Variants in ATRNL1 observed in about 807,000 individuals in gnomAD.
The protein encoded by ATRNL1 is attractin like 1.
In ATRNL1, 95 loss-of-function variants were observed where a neutral mutation model predicts 182.7. That is an observed-to-expected ratio of 0.52 (90% confidence interval 0.44 to 0.62). The LOEUF is 0.62. Among genes scored for constraint, ATRNL1 ranks in the 20% least tolerant of loss-of-function variants. The pLI is 0.00. For synonymous variants in ATRNL1, 576 were observed against 568.3 expected, an observed-to-expected ratio of 1.01 and a Z score of -0.19; for missense variants, 1,471 against 1,679.5, an observed-to-expected ratio of 0.88 and a Z score of 2.17.
chr10:115,186,168 A>G (rs1205615213), intron 8 of ATRNL1, among the ~76,000 whole-genome samples: 1 of 152,114 alleles, frequency 6.6e-6, no homozygotes, highest in Non-Finnish European at 1.5e-5. Context: ...TGGGCAAAGG[A>G]TCTAAGTAGA....
chr10:115,782,620 C>A (rs1370946887), intron 27 of ATRNL1, among the ~76,000 whole-genome samples: 6 of 152,118 alleles, frequency 3.9e-5, no homozygotes, highest in Non-Finnish European at 8.8e-5. Flanking sequence ...GAGAAAAGGG[C>A]TGAGAAGTTG....
Position 115,176,419 on chromosome 10 carries a change from A to G in ATRNL1, c.1348+5127A>G, listed in dbSNP as rs541141750. On this transcript the variant is annotated intron_variant, in intron 8 of 28. Transcript: ENST00000355044. ...TGAATTGTTTTGGCTGCATGTTGTA[A>G]ATAAACTTTATGGAAGAAAGAACAG... Among the ~76,000 whole-genome samples the G allele has an allele frequency of 2.8e-4, 43 of 152,214 alleles. 1 individual carries two copies. The South Asian group carries it at 8.5e-3, about 30-fold the overall frequency.
At chr10:115,485,981 T>G (rs919902741) in intron 24 of ATRNL1, among the ~76,000 whole-genome samples, 2 of 148,826 alleles carry the variant, frequency 1.3e-5, no homozygotes, top group African/African-American at 5.0e-5. Context: ...CACTTATGAG[T>G]GAGAACATGC....
intron 28 of ATRNL1, among the ~76,000 whole-genome samples, chr10:115,887,705 C>A (rs1951981371): frequency 6.6e-6 from 1 of 151,160 alleles, no homozygotes; most frequent in Non-Finnish European, 1.5e-5. Context: ...TCCAGTTTTC[C>A]TCTTCTCAGT....
At chr10:115,697,206 T>C (rs1403410789) in intron 26 of ATRNL1, among the ~76,000 whole-genome samples, 1 of 152,208 alleles carries the variant, frequency 6.6e-6, no homozygotes, top group Non-Finnish European at 1.5e-5. Flanking sequence ...CATGTATGTC[T>C]TTTGAAAAGT....
At chr10:115,826,735 C>T (rs1034566010) in intron 27 of ATRNL1, among the ~76,000 whole-genome samples, 2 of 152,002 alleles carry the variant, frequency 1.3e-5, no homozygotes, top group East Asian at 1.9e-4. Context: ...AAGCTGAGTC[C>T]GGGGTTTTTT....
chr10:115,156,215 C>T (rs1846512035), intron 5 of ATRNL1, among the ~76,000 whole-genome samples: 1 of 152,016 alleles, frequency 6.6e-6, no homozygotes, highest in Non-Finnish European at 1.5e-5. Flanking sequence ...GACTGTAATC[C>T]CTGCATACCT....
At chr10:115,483,514 C>T (rs1565090942) in intron 24 of ATRNL1, among the ~76,000 whole-genome samples, 1 of 151,264 alleles carries the variant, frequency 6.6e-6, no homozygotes, top group Non-Finnish European at 1.5e-5. Flanking sequence ...TGGCTTATTG[C>T]CAAATATATT....
At chr10:115,665,171 T>C (rs1555039320) in intron 26 of ATRNL1, among the ~76,000 whole-genome samples, 5 of 152,084 alleles carry the variant, frequency 3.3e-5, no homozygotes, top group Non-Finnish European at 7.4e-5. Context: ...ATCAAGAAGG[T>C]AAAGACTACT....
chr10:115,740,046 G>A (rs1036768589), intron 27 of ATRNL1, among the ~76,000 whole-genome samples: 5 of 152,076 alleles, frequency 3.3e-5, no homozygotes, highest in Non-Finnish European at 5.9e-5. Flanking sequence ...TGAAATACCA[G>A]ATATTCAAAA....
chr10:115,417,259 G>A (rs781838779), intron 20 of ATRNL1, among the ~76,000 whole-genome samples: 1 of 152,162 alleles, frequency 6.6e-6, no homozygotes, highest in African/African-American at 2.4e-5. Flanking sequence ...TTTGCCCACT[G>A]ATATCAGTCT....
intron 10 of ATRNL1, among the ~76,000 whole-genome samples, chr10:115,250,651 T>C (rs1416112340): frequency 6.6e-6 from 1 of 152,208 alleles, no homozygotes; most frequent in East Asian, 1.9e-4. Context: ...TGCTTTCTTC[T>C]TTGTAATGGG....
intron 10 of ATRNL1, among the ~76,000 whole-genome samples, chr10:115,259,121 C>T (rs1162594745): frequency 1.3e-5 from 2 of 152,338 alleles, no homozygotes; most frequent in South Asian, 2.1e-4. Flanking sequence ...AGAGCTCAAA[C>T]GCCATGCTGG....
intron 20 of ATRNL1, among the ~76,000 whole-genome samples, chr10:115,405,280 T>C (rs1018722135): frequency 6.6e-6 from 1 of 152,192 alleles, no homozygotes; most frequent in Non-Finnish European, 1.5e-5. Flanking sequence ...ATCTGGTATA[T>C]GTGTAGGTGT....
intron 10 of ATRNL1, among the ~76,000 whole-genome samples, chr10:115,247,961 C>G (rs1850715986): frequency 6.6e-6 from 1 of 151,910 alleles, no homozygotes; most frequent in Non-Finnish European, 1.5e-5. Context: ...TATGTGGAAG[C>G]TAAAAAAAGT....
rs1554884169 is a variant in ATRNL1, at chr10:115,165,577, A to G, written c.1024A>G (p.Ile342Val). 3.9e-6 allele frequency: 6 copies of G among 1,529,772 alleles called. No individual in the cohort carries two copies. The highest frequency in any genetic ancestry group is 1.7e-4 in the Middle Eastern group (1 of 5,752). 94.8% of individuals were successfully genotyped at this position (1,529,772 alleles called of 1,614,324 possible). The change falls in exon 7 of 29, where the codon ATA becomes GTA. Residue 342 changes from isoleucine (I) to valine (V), a missense_variant. By Grantham distance (29) the Ile-to-Val change is conservative. Coordinates refer to ENST00000355044, the MANE Select transcript of ATRNL1 (RefSeq NM_207303.4). The stretch of plus-strand genomic sequence containing the variant: ...TTTTAGTTACAATTTAGAAAGCAGT[A>G]TATGGAATGTAGGAACTCCATCAAG... ...MVLNYNLESSIWNVGTPSRGP... is the reference protein window; with the variant it reads ...MVLNYNLESSVWNVGTPSRGP...
At chr10:115,917,104 C>T (rs1952881337) in intron 28 of ATRNL1, among the ~76,000 whole-genome samples, 1 of 152,184 alleles carries the variant, frequency 6.6e-6, no homozygotes, top group South Asian at 2.1e-4. Flanking sequence ...TTTGAGATGG[C>T]GTCTAACTCT....
At chr10:115,326,720 T>A (rs1854906946) in intron 18 of ATRNL1, among the ~76,000 whole-genome samples, 1 of 151,968 alleles carries the variant, frequency 6.6e-6, no homozygotes, top group East Asian at 1.9e-4. Context: ...AGCATGGTAC[T>A]GGTACCAAAA....
chr10:115,489,163 AT>A (rs1554975877), intron 24 of ATRNL1, among the ~76,000 whole-genome samples: 1 of 152,126 alleles, frequency 6.6e-6, no homozygotes, highest in Non-Finnish European at 1.5e-5. Flanking sequence ...CAATTTTAGA[AT>A]TAAGTGCAAT....
Sources: allele counts gnomAD v4.1 joint callset (sites outside exome capture counted in the v4.1 genomes callset), GRCh38; gene constraint gnomAD v4.1.1; transcripts MANE v1.5; gene names NCBI Gene and HGNC (gene_info 2026-07-23, HGNC 2026-07-21).